CSMD1: variants seen among roughly 807,000 people sequenced by gnomAD.
CSMD1 encodes the protein CUB and sushi domain-containing protein 1.
A neutral mutation model predicts 417.5 loss-of-function variants in CSMD1; 213 were observed. The ratio of observed to expected loss-of-function variants is 0.51; its 90% confidence interval spans 0.46 to 0.57. The LOEUF is 0.57. Ranked by LOEUF, CSMD1 falls within the 20% of genes least tolerant of loss-of-function variation. The probability of loss-of-function intolerance (pLI) is 0.00; values close to 1 mark genes in which losing one functional copy is unlikely to be tolerated. For missense variants in CSMD1, 6,923 were observed against 4,529.7 expected, an observed-to-expected ratio of 1.53 and a Z score of -15.17; for synonymous variants, 2,862 against 1,736.8, an observed-to-expected ratio of 1.65 and a Z score of -16.11.
In CSMD1 at chr8:4,648,852, T is replaced by C. The variant is rs1803703403; in HGVS notation, c.86-11294A>G. ...TGTGTTTATAGTTGGTCGGGAAGTA[T>C]GCACACCCACCACAGTAACAACGTC... On this transcript the variant is annotated intron_variant, in intron 1 of 69. Transcript: ENST00000635120. 2.0e-5 allele frequency among the ~76,000 whole-genome samples: 3 copies of C among 152,158 alleles called. No homozygotes were observed. In the South Asian group the frequency reaches 6.2e-4, roughly 31 times the overall value.
At chr8:3,471,397 G>C (rs189180405) in intron 11 of CSMD1, among the ~76,000 whole-genome samples, 1 of 152,118 alleles carries the variant, frequency 6.6e-6, no homozygotes, top group Middle Eastern at 3.4e-3. Context: ...AGTCAATTTT[G>C]GTTCCACATG....
chr8:4,143,747 G>C (rs13253149), intron 3 of CSMD1, among the ~76,000 whole-genome samples: 1 of 150,874 alleles, frequency 6.6e-6, no homozygotes, highest in Non-Finnish European at 1.5e-5. Context: ...TGAAAGGGGG[G>C]ATTTATTAAA....
At chr8:4,589,329 T>C (rs1050911783) in intron 2 of CSMD1, among the ~76,000 whole-genome samples, 1 of 152,180 alleles carries the variant, frequency 6.6e-6, no homozygotes, top group Non-Finnish European at 1.5e-5. Context: ...TTTAGCCATG[T>C]TTTTTCTGCC....
At chr8:4,975,520 T>C (rs1440003165) in intron 1 of CSMD1, among the ~76,000 whole-genome samples, 1 of 152,284 alleles carries the variant, frequency 6.6e-6, no homozygotes, top group African/African-American at 2.4e-5. Context: ...GCCAAATCAC[T>C]TATTTTTCAG....
At chr8:4,632,414 A>G (rs2052969459) in intron 2 of CSMD1, among the ~76,000 whole-genome samples, 1 of 152,178 alleles carries the variant, frequency 6.6e-6, no homozygotes, top group Non-Finnish European at 1.5e-5. Flanking sequence ...CAGGAGGCTG[A>G]GACAGCAGAA....
chr8:3,476,710 G>T (rs191027315), intron 11 of CSMD1, among the ~76,000 whole-genome samples: 5 of 151,978 alleles, frequency 3.3e-5, no homozygotes, highest in Admixed American at 6.6e-5. Flanking sequence ...TTGAGGTCAG[G>T]AGTTCGAGAC....
intron 1 of CSMD1, among the ~76,000 whole-genome samples, chr8:4,822,531 A>T (rs773770951): frequency 5.9e-5 from 9 of 152,160 alleles, no homozygotes; most frequent in Non-Finnish European, 1.2e-4. Flanking sequence ...CTAGGCAGTT[A>T]TCCCACCTGT....
At chr8:2,966,990 A>G (rs1942822280) in intron 57 of CSMD1, among the ~76,000 whole-genome samples, 1 of 152,234 alleles carries the variant, frequency 6.6e-6, no homozygotes, top group Admixed American at 6.5e-5. Flanking sequence ...ATTTCTAAAC[A>G]AATTAAAACA....
intron 50 of CSMD1, 89 bp from the exon 51 acceptor site, chr8:3,029,602 T>C (rs79402016): frequency 2.6e-6 from 3 of 1,155,688 alleles, no homozygotes; most frequent in East Asian, 2.6e-5. Context: ...TCTTGCTATA[T>C]GAAACTGATC....
rs1435122028 is a variant in CSMD1 at position 3,183,492 on chromosome 8, A to C, written c.5621-2278T>G. Among the ~76,000 whole-genome samples the C allele has an allele frequency of 6.5e-5, 3 of 46,134 alleles. 1 individual carries two copies. The highest frequency in any genetic ancestry group is 1.2e-3 in the East Asian group (2 of 1,728). The allele number at this position is 46,134 out of a possible 152,430, so 30.3% of individuals were successfully genotyped here. On this transcript the variant is annotated intron_variant, in intron 36 of 69. Coordinates refer to ENST00000635120, the MANE Select transcript of CSMD1 (RefSeq NM_033225.6). ...TCGAGTAGGTCTCTAACGTTTCTTA[A>C]AGATACCATCGGCATCCATCCACGT...
At chr8:4,190,191 G>A (rs1432550494) in intron 3 of CSMD1, among the ~76,000 whole-genome samples, 1 of 150,346 alleles carries the variant, frequency 6.7e-6, no homozygotes, top group Non-Finnish European at 1.5e-5. Flanking sequence ...CCTGGGAGGT[G>A]GAGCTTGCAG....
chr8:4,168,228 C>A (rs938544299), intron 3 of CSMD1, among the ~76,000 whole-genome samples: 2 of 151,192 alleles, frequency 1.3e-5, no homozygotes, highest in East Asian at 1.9e-4. Flanking sequence ...CATATATACA[C>A]AAACACACAC....
intron 3 of CSMD1, among the ~76,000 whole-genome samples, chr8:4,418,532 C>T (rs1563153165): frequency 6.6e-6 from 1 of 152,044 alleles, no homozygotes; most frequent in Non-Finnish European, 1.5e-5. Flanking sequence ...AAAAAAATGC[C>T]AAGTTTTCTA....
At chr8:4,986,852 C>T (rs1305243430) in intron 1 of CSMD1, among the ~76,000 whole-genome samples, 2 of 152,084 alleles carry the variant, frequency 1.3e-5, no homozygotes, top group Admixed American at 1.3e-4. Flanking sequence ...TCAGTGTGAG[C>T]TAAATGGTCT....
At chr8:4,361,502 G>A (rs375609038) in intron 3 of CSMD1, among the ~76,000 whole-genome samples, 2 of 152,088 alleles carry the variant, frequency 1.3e-5, no homozygotes, top group South Asian at 4.1e-4. Context: ...CAGATTAGAA[G>A]ACGGAGGCCT....
chr8:3,714,528 C>T (rs1801713192), intron 6 of CSMD1, among the ~76,000 whole-genome samples: 1 of 124,552 alleles, frequency 8.0e-6, no homozygotes, highest in Non-Finnish European at 1.6e-5. Context: ...TCAACAGCAG[C>T]CTGGCCAACA....
At chr8:4,237,129 G>C (rs548203371) in intron 3 of CSMD1, among the ~76,000 whole-genome samples, 2 of 152,076 alleles carry the variant, frequency 1.3e-5, no homozygotes, top group South Asian at 4.1e-4. Flanking sequence ...TACTTTGCAC[G>C]GAAGCCCTAA....
intron 5 of CSMD1, among the ~76,000 whole-genome samples, chr8:3,809,270 C>A (rs569716071): frequency 6.6e-6 from 1 of 152,152 alleles, no homozygotes; most frequent in Non-Finnish European, 1.5e-5. Flanking sequence ...CAGGTCAGCT[C>A]CCTTTGCCAT....
chr8:2,999,047 G>C (rs1428601300), intron 53 of CSMD1, among the ~76,000 whole-genome samples: 1 of 151,936 alleles, frequency 6.6e-6, no homozygotes, highest in Non-Finnish European at 1.5e-5. Flanking sequence ...TAAAGTGAGA[G>C]TACATTGTTC....
Sources: allele counts gnomAD v4.1 joint callset (sites outside exome capture counted in the v4.1 genomes callset), GRCh38; gene constraint gnomAD v4.1.1; transcripts MANE v1.5; gene names NCBI Gene and HGNC (gene_info 2026-07-23, HGNC 2026-07-21).